LSAMP: variants seen among roughly 807,000 people sequenced by gnomAD.
LSAMP encodes limbic system-associated membrane protein.
Under a neutral mutation model 38.6 loss-of-function variants are expected in LSAMP, and 7 were observed. The ratio of observed to expected loss-of-function variants is 0.18; its 90% CI spans 0.10 to 0.34. LSAMP has a LOEUF of 0.34. LSAMP is among the 10% of genes least tolerant of loss of function. The probability of loss-of-function intolerance (pLI) is 1.00; values close to 1 mark genes in which losing one functional copy is unlikely to be tolerated. For synonymous variants in LSAMP, 154 were observed against 166.8 expected, an observed-to-expected ratio of 0.92 and a Z score of 0.59; for missense variants, 313 against 420.0, an observed-to-expected ratio of 0.75 and a Z score of 2.23.
chr3:116,432,772 T>C (rs190371493), intron 1 of LSAMP, among the ~76,000 whole-genome samples: 1 of 152,132 alleles, frequency 6.6e-6, no homozygotes, highest in Non-Finnish European at 1.5e-5. Context: ...GGCTAAATTT[T>C]TTCATGCCCA....
At chr3:115,883,795 A>G (rs1273722161) in intron 3 of LSAMP, among the ~76,000 whole-genome samples, 1 of 152,092 alleles carries the variant, frequency 6.6e-6, no homozygotes, top group Non-Finnish European at 1.5e-5. Flanking sequence ...CAAAAGAAGA[A>G]TGAATCAGGA....
intron 1 of LSAMP, among the ~76,000 whole-genome samples, chr3:116,266,452 T>G (rs923709015): frequency 1.3e-5 from 2 of 152,240 alleles, no homozygotes; most frequent in East Asian, 3.9e-4. Context: ...ACACCTGAGC[T>G]GAAACCAAGA....
At chr3:116,399,482 T>C (rs1576193400) in intron 1 of LSAMP, among the ~76,000 whole-genome samples, 1 of 152,286 alleles carries the variant, frequency 6.6e-6, no homozygotes, top group East Asian at 1.9e-4. Context: ...GGACACACTA[T>C]AGAAAACACT....
At chr3:116,088,991 C>A (rs1366433324) in intron 1 of LSAMP, among the ~76,000 whole-genome samples, 2 of 152,120 alleles carry the variant, frequency 1.3e-5, no homozygotes, top group Admixed American at 6.5e-5. Flanking sequence ...CCTATAGCAC[C>A]CACAAATAAA....
rs1055487842 is a variant in LSAMP, at chr3:115,994,864, C to T, written c.514+24651G>A. 2.0e-5 allele frequency among the ~76,000 whole-genome samples: 3 copies of T among 152,028 alleles called. No homozygotes were observed. In the East Asian group the frequency reaches 5.8e-4, roughly 29 times the overall value. Reference sequence around the variant, plus strand: ...AGATTTGGTTGATAACAGGCATTTGCATGTGGAGATGCTGGGGTGATAACC... The same window carrying T: ...AGATTTGGTTGATAACAGGCATTTGTATGTGGAGATGCTGGGGTGATAACC... On this transcript the variant is annotated intron_variant, in intron 3 of 6. Transcript: ENST00000490035.
chr3:116,123,769 T>G (rs1708941666), intron 1 of LSAMP, among the ~76,000 whole-genome samples: 1 of 152,216 alleles, frequency 6.6e-6, no homozygotes. Context: ...AACCCATCTT[T>G]GGAGTATAGG....
intron 3 of LSAMP, among the ~76,000 whole-genome samples, chr3:115,943,251 G>A (rs1311862967): frequency 3.9e-5 from 6 of 152,082 alleles, no homozygotes; most frequent in Non-Finnish European, 8.8e-5. Flanking sequence ...TCTGGGCTGA[G>A]TTACTTTATG....
chr3:116,102,227 C>A (rs549984507), intron 1 of LSAMP, among the ~76,000 whole-genome samples: 1 of 152,290 alleles, frequency 6.6e-6, no homozygotes, highest in African/African-American at 2.4e-5. Context: ...CAACAGGAGG[C>A]ACTGTAGTTA....
At chr3:116,117,360 G>A (rs528785635) in intron 1 of LSAMP, among the ~76,000 whole-genome samples, 12 of 152,090 alleles carry the variant, frequency 7.9e-5, no homozygotes, top group African/African-American at 2.9e-4. Context: ...TTTTAGAACA[G>A]TTTTAGATTT....
At chr3:116,062,370 G>A (rs541125776) in intron 2 of LSAMP, among the ~76,000 whole-genome samples, 63 of 152,244 alleles carry the variant, frequency 4.1e-4, no homozygotes, top group African/African-American at 1.4e-3. Context: ...TTAGCCGGGC[G>A]TGGTGGTGCA....
At chr3:116,195,336 G>A (rs765266701) in intron 1 of LSAMP, among the ~76,000 whole-genome samples, 39 of 152,200 alleles carry the variant, frequency 2.6e-4, no homozygotes, top group Non-Finnish European at 4.0e-4. Flanking sequence ...TGTTTCCTGA[G>A]TGTGTCTTCA....
chr3:116,341,211 C>T (rs1055060745), intron 1 of LSAMP, among the ~76,000 whole-genome samples: 1 of 151,810 alleles, frequency 6.6e-6, no homozygotes, highest in African/African-American at 2.4e-5. Context: ...TCCAAATTAA[C>T]TTAGGTAATT....
At chr3:115,948,222 A>C (rs562198231) in intron 3 of LSAMP, among the ~76,000 whole-genome samples, 1 of 152,334 alleles carries the variant, frequency 6.6e-6, no homozygotes, top group African/African-American at 2.4e-5. Context: ...TATTGAATGA[A>C]GATTTCATTC....
In LSAMP at chr3:116,283,105, G is replaced by A. The variant is rs558264778; in HGVS notation, c.155+161772C>T. 4.0e-5 allele frequency among the ~76,000 whole-genome samples: 6 copies of A among 151,724 alleles called. No homozygotes were observed. The East Asian group carries it at 1.2e-3, about 30-fold the overall frequency. On this transcript the variant is annotated intron_variant, in intron 1 of 6. Coordinates refer to ENST00000490035, the MANE Select transcript of LSAMP (RefSeq NM_002338.5). Reference sequence around the variant, plus strand: ...GCTGTAACAGTAAGTAAGGTAAAACGTTTCCAGTTCTTCTTACTCTTCCTC... The same window carrying A: ...GCTGTAACAGTAAGTAAGGTAAAACATTTCCAGTTCTTCTTACTCTTCCTC...
At chr3:116,404,978 T>C (rs1920188) in intron 1 of LSAMP, among the ~76,000 whole-genome samples, 3,865 of 152,184 alleles carry the variant, frequency 0.025, 147 homozygotes, top group African/African-American at 0.087. Context: ...CCAGGATTTA[T>C]TGAAAAGGGG....
intron 2 of LSAMP, 32 bp from the exon 3 acceptor site, chr3:116,019,672 C>T (rs772916359): frequency 6.2e-7 from 1 of 1,603,506 alleles, no homozygotes; most frequent in Non-Finnish European, 8.5e-7. Flanking sequence ...GAATATGTAA[C>T]CATGTCAGTA....
intron 3 of LSAMP, among the ~76,000 whole-genome samples, chr3:115,950,983 C>A (rs1269519313): frequency 6.6e-6 from 1 of 152,040 alleles, no homozygotes; most frequent in Non-Finnish European, 1.5e-5. Context: ...ATACTTACAG[C>A]CAACTGACAT....
chr3:115,963,818 A>T (rs1217084923), intron 3 of LSAMP, among the ~76,000 whole-genome samples: 1 of 152,098 alleles, frequency 6.6e-6, no homozygotes, highest in Admixed American at 6.6e-5. Flanking sequence ...CAGTGGCACA[A>T]TCACAGCTCA....
intron 1 of LSAMP, among the ~76,000 whole-genome samples, chr3:116,191,995 T>G (rs919810921): frequency 2.0e-5 from 3 of 151,242 alleles, no homozygotes; most frequent in Non-Finnish European, 4.4e-5. Context: ...AACACAAATA[T>G]CTGTCTGAAT....
Sources: allele counts gnomAD v4.1 joint callset (sites outside exome capture counted in the v4.1 genomes callset), GRCh38; gene constraint gnomAD v4.1.1; transcripts MANE v1.5; gene names NCBI Gene and HGNC (gene_info 2026-07-23, HGNC 2026-07-21).